Variants in MAMDC2 observed in about 807,000 individuals in gnomAD.
The protein encoded by MAMDC2 is MAM domain-containing protein 2.
In MAMDC2, 57 loss-of-function variants were observed where a neutral mutation model predicts 89.8. The ratio of observed to expected loss-of-function variants is 0.63; its 90% confidence interval spans 0.51 to 0.79. The LOEUF is 0.79. MAMDC2 is among the 30% of genes least tolerant of loss of function. The pLI is 0.00. For missense variants in MAMDC2, 800 were observed against 820.6 expected (o/e 0.97, Z 0.31); for synonymous variants, 313 against 293.4 (o/e 1.07, Z -0.68).
At chr9:70,180,333 T>C (rs1015689666) in intron 11 of MAMDC2, among the ~76,000 whole-genome samples, 1 of 152,250 alleles carries the variant, frequency 6.6e-6, no homozygotes, top group Admixed American at 6.5e-5. Flanking sequence ...TATGTGTGCA[T>C]GTGTCTTTAC....
At chr9:70,136,530 C>T (rs1354525805) in intron 7 of MAMDC2, among the ~76,000 whole-genome samples, 2 of 152,104 alleles carry the variant, frequency 1.3e-5, no homozygotes, top group Non-Finnish European at 2.9e-5. Flanking sequence ...ACCTTCCACC[C>T]CCTCCCACAC....
chr9:70,083,813 T>A (rs1024057285), intron 2 of MAMDC2: 2 of 151,968 alleles, frequency 1.3e-5, no homozygotes, highest in Non-Finnish European at 2.9e-5. Context: ...CATATTAATG[T>A]GGGTTCAATT....
chr9:70,104,224 G>A (rs1483194665), intron 2 of MAMDC2, among the ~76,000 whole-genome samples: 1 of 152,074 alleles, frequency 6.6e-6, no homozygotes, highest in African/African-American at 2.4e-5. Flanking sequence ...CTTGAGAAAT[G>A]CAAATCAAAA....
intron 11 of MAMDC2, among the ~76,000 whole-genome samples, chr9:70,203,944 G>C (rs1292843773): frequency 1.0e-4 from 13 of 127,736 alleles, no homozygotes; most frequent in African/African-American, 3.3e-4. Context: ...GGTTATTCTA[G>C]TTATACATTC....
At chr9:70,166,336 C>G (rs1019752457) in intron 9 of MAMDC2, among the ~76,000 whole-genome samples, 1 of 150,270 alleles carries the variant, frequency 6.7e-6, no homozygotes, top group Non-Finnish European at 1.5e-5. Context: ...TATATATACA[C>G]ACATATATAT....
Position 70,059,605 on chromosome 9 carries a change from G to A in MAMDC2, c.148+14908G>A, listed in dbSNP as rs550068737. 2.6e-5 allele frequency among the ~76,000 whole-genome samples: 4 copies of A among 152,112 alleles called. No individual in the cohort carries two copies. The South Asian group carries it at 8.3e-4, about 32-fold the overall frequency. ...CTAGTGCCATTATCACAAAACCAAC[G>A]CCATGTTCCACAGTTCAAAGACAGT... is the stretch of plus-strand genomic sequence containing the variant. On this transcript the variant is annotated intron_variant, in intron 2 of 13. Transcript: ENST00000377182.
chr9:70,115,566 G>A (rs1418606545), intron 5 of MAMDC2, among the ~76,000 whole-genome samples: 2 of 152,174 alleles, frequency 1.3e-5, no homozygotes, highest in African/African-American at 4.8e-5. Flanking sequence ...ATGTTGGCCA[G>A]GCTGGTCTCG....
intron 11 of MAMDC2, among the ~76,000 whole-genome samples, chr9:70,210,181 G>C (rs2033321647): frequency 2.0e-5 from 3 of 152,172 alleles, no homozygotes; most frequent in South Asian, 2.1e-4. Context: ...TTCAATTCCT[G>C]GATATCCTTG....
intron 2 of MAMDC2, among the ~76,000 whole-genome samples, chr9:70,100,554 C>T (rs73650530): frequency 0.042 from 6,424 of 152,236 alleles, 400 homozygotes; most frequent in African/African-American, 0.14. Context: ...AAAAGACAGA[C>T]GTAGGCATTG....
At chr9:70,096,993 T>C (rs533386611) in intron 2 of MAMDC2, among the ~76,000 whole-genome samples, 1 of 152,302 alleles carries the variant, frequency 6.6e-6, no homozygotes, top group Admixed American at 6.5e-5. Context: ...ACCCCAGATG[T>C]GGGAGAAGTT....
intron 9 of MAMDC2, chr9:70,157,409 G>C (rs2031800239): frequency 6.6e-6 from 1 of 152,136 alleles, no homozygotes; most frequent in South Asian, 2.1e-4. Flanking sequence ...TTTCACCAGA[G>C]GAAACATACC....
At chr9:70,151,228 C>T (rs10780851) in intron 9 of MAMDC2, among the ~76,000 whole-genome samples, 119,311 of 152,142 alleles carry the variant, frequency 0.78, 46,900 homozygotes, top group Admixed American at 0.83. Flanking sequence ...TCCTGACTGC[C>T]GCCCAGTTTA....
intron 11 of MAMDC2, chr9:70,216,365 T>G (rs2033445612): frequency 6.6e-6 from 1 of 152,088 alleles, no homozygotes; most frequent in South Asian, 2.1e-4. Flanking sequence ...CTTTTCCTAG[T>G]TTGCAGACAG....
In MAMDC2 at chr9:70,115,773, A is replaced by T. The variant is rs143501653; in HGVS notation, c.643+2641A>T. Among the ~76,000 whole-genome samples, 16 of 152,344 alleles carry T rather than the reference A, an allele frequency of 1.1e-4. No homozygotes were observed. The East Asian group carries it at 3.1e-3, about 29-fold the overall frequency. Reference sequence around the variant, plus strand: ...GCTCTGTGTAGAGTGAATGATAACCAGTCATGGCAAAGTAATCCATGAATC... The same window carrying T: ...GCTCTGTGTAGAGTGAATGATAACCTGTCATGGCAAAGTAATCCATGAATC... On this transcript the variant is annotated intron_variant, in intron 5 of 13. Coordinates refer to ENST00000377182, the MANE Select transcript of MAMDC2 (RefSeq NM_153267.5).
At chr9:70,195,513 T>C (rs999566377) in intron 11 of MAMDC2, among the ~76,000 whole-genome samples, 1 of 152,066 alleles carries the variant, frequency 6.6e-6, no homozygotes, top group Non-Finnish European at 1.5e-5. Context: ...AAATGGAAAA[T>C]TCCAGAAATA....
chr9:70,170,848 T>C, intron 11 of MAMDC2: 1 of 433,290 alleles, frequency 2.3e-6, no homozygotes, highest in Non-Finnish European at 4.0e-6. Flanking sequence ...AGCAAGGATC[T>C]AACAGGGCTT....
chr9:70,179,873 C>CTT (rs5898124), intron 11 of MAMDC2, among the ~76,000 whole-genome samples: 3 of 135,816 alleles, frequency 2.2e-5, no homozygotes, highest in Admixed American at 7.5e-5. Flanking sequence ...TAAAATATTC[C>CTT]TTTTTTTTTT....
At chr9:70,129,164 G>A (rs757858370) in intron 6 of MAMDC2, among the ~76,000 whole-genome samples, 19 of 152,160 alleles carry the variant, frequency 1.2e-4, no homozygotes, top group African/African-American at 2.7e-4. Flanking sequence ...GAATTCCCAC[G>A]TGTTGTAGGA....
intron 2 of MAMDC2, chr9:70,060,718 GAGAGAGAGAGAA>G (rs1455611766): frequency 6.6e-6 from 1 of 151,786 alleles, no homozygotes; most frequent in Admixed American, 6.6e-5. Context: ...GTCTGTGTCA[GAGAGAGAGAGAA>G]AGAGAGAGAG....
Sources: allele counts gnomAD v4.1 joint callset (sites outside exome capture counted in the v4.1 genomes callset), GRCh38; gene constraint gnomAD v4.1.1; transcripts MANE v1.5; gene names NCBI Gene and HGNC (gene_info 2026-07-23, HGNC 2026-07-21).